The following FAM204A variants were observed in gnomAD, a reference collection of about 807,000 sequenced individuals.
FAM204A encodes protein FAM204A.
In FAM204A, 16 loss-of-function variants were observed where a neutral mutation model predicts 35.4. The observed-to-expected ratio is 0.45, with a 90% CI of 0.31 to 0.69. The LOEUF is 0.69. Among genes scored for constraint, FAM204A ranks in the 30% least tolerant of loss-of-function variants. FAM204A has a pLI of 0.07. For missense variants in FAM204A, 240 were observed against 265.7 expected, an observed-to-expected ratio of 0.90 and a Z score of 0.67; for synonymous variants, 76 against 86.9, an observed-to-expected ratio of 0.88 and a Z score of 0.70.
rs1845904170 is a variant in FAM204A, at chr10:118,308,813, G to T, written c.*2044C>A. Reference sequence around the variant, plus strand: ...GTCAGACCCTACAGGAGGCCACTCTGGCAAGGCTTCAGTATGGGAAGTGCA... The same window carrying T: ...GTCAGACCCTACAGGAGGCCACTCTTGCAAGGCTTCAGTATGGGAAGTGCA... On this transcript the variant is annotated 3_prime_UTR_variant, in exon 9 of 9. Coordinates refer to ENST00000369183, the MANE Select transcript of FAM204A (RefSeq NM_022063.3). The T allele has an allele frequency of 6.6e-6, 1 of 152,008 alleles. No individual in the cohort carries two copies. Among genetic ancestry groups the T allele is most frequent in the Non-Finnish European group, 1.5e-5 (1 of 68,054 alleles). The allele number at this position is 152,008 out of a possible 1,614,324, so 9.4% of individuals were successfully genotyped here.
At chr10:118,337,329 T>G in intron 2 of FAM204A, 1 of 626,332 alleles carries the variant, frequency 1.6e-6, no homozygotes, top group Non-Finnish European at 2.0e-6. Flanking sequence ...GTACTGCTCA[T>G]GATTTACTAT....
rs957107589 is a variant in FAM204A, at chr10:118,300,704, T to C, written c.*10153A>G. On this transcript the variant is annotated 3_prime_UTR_variant, in exon 9 of 9. Coordinates refer to ENST00000369183, the MANE Select transcript of FAM204A (RefSeq NM_022063.3). ...TAGGAGCTTAGCCCTGGGGAATTCT[T>C]TGGGCAGAATCCAGGGACATACTGA... The C allele has an allele frequency of 6.6e-6, 1 of 152,152 alleles. No individual in the cohort carries two copies. Among genetic ancestry groups the C allele is most frequent in the African/African-American group, 2.4e-5 (1 of 41,420 alleles). The allele number at this position is 152,152 out of a possible 1,614,324, so 9.4% of individuals were successfully genotyped here. A position where few individuals can be genotyped will look rare whatever the true frequency, so the allele number is the denominator to read the frequency against.
At chr10:118,315,384 A>G (rs1218574131) in intron 7 of FAM204A, among the ~76,000 whole-genome samples, 1 of 152,186 alleles carries the variant, frequency 6.6e-6, no homozygotes, top group African/African-American at 2.4e-5. Flanking sequence ...TCCGTTTCAG[A>G]GTAAATTTTA....
In FAM204A at chr10:118,304,292, A is replaced by C. The variant is rs1360645421; in HGVS notation, c.*6565T>G. Reference sequence around the variant, plus strand: ...TGGCATTCCACAGGTACCATGACACAACAAGTATAAATATGACCTACTTTA... The same window carrying C: ...TGGCATTCCACAGGTACCATGACACCACAAGTATAAATATGACCTACTTTA... On this transcript the variant is annotated 3_prime_UTR_variant, in exon 9 of 9. Coordinates refer to ENST00000369183, the MANE Select transcript of FAM204A (RefSeq NM_022063.3). 3 of 151,716 alleles carry C rather than the reference A, an allele frequency of 2.0e-5. No homozygotes were observed. Among genetic ancestry groups the C allele is most frequent in the Non-Finnish European group, 4.4e-5 (3 of 68,022 alleles). 9.4% of individuals were successfully genotyped at this position (151,716 alleles called of 1,614,324 possible).
chr10:118,341,415 G>A (rs1356965634), intron 2 of FAM204A, among the ~76,000 whole-genome samples: 2 of 152,058 alleles, frequency 1.3e-5, no homozygotes, highest in Non-Finnish European at 2.9e-5. Flanking sequence ...CTTAAAAATA[G>A]TTACTATTTT....
In FAM204A at chr10:118,299,878, G is replaced by T. The variant is rs141172477; in HGVS notation, c.*10979C>A. On this transcript the variant is annotated 3_prime_UTR_variant, in exon 9 of 9. Coordinates refer to ENST00000369183, the MANE Select transcript of FAM204A (RefSeq NM_022063.3). The stretch of plus-strand genomic sequence containing the variant: ...TTACTAACAATTTTTCCATTAGCAC[G>T]TCTTGAAAACCACAATTCTGCTATC... 6.6e-6 allele frequency: 1 copy of T among 152,152 alleles called. No individual in the cohort carries two copies. The highest frequency in any genetic ancestry group is 1.9e-4 in the East Asian group (1 of 5,194). 9.4% of individuals were successfully genotyped at this position (152,152 alleles called of 1,614,324 possible). A position where few individuals can be genotyped will look rare whatever the true frequency, so the allele number is the denominator to read the frequency against.
At chr10:118,334,221 G>T (rs1332295637) in intron 6 of FAM204A, among the ~76,000 whole-genome samples, 1 of 152,068 alleles carries the variant, frequency 6.6e-6, no homozygotes, top group Non-Finnish European at 1.5e-5. Flanking sequence ...ACTGAACTTT[G>T]GCTAGGTCCC....
chr10:118,336,138 GCA>G, intron 3 of FAM204A, 42 bp downstream of exon 3: 1 of 1,589,130 alleles, frequency 6.3e-7, no homozygotes. Context: ...AGAGGCATGT[GCA>G]CACACACAGG....
intron 7 of FAM204A, among the ~76,000 whole-genome samples, chr10:118,323,096 G>A (rs758860687): frequency 6.6e-6 from 1 of 152,048 alleles, no homozygotes; most frequent in African/African-American, 2.4e-5. Context: ...TCAGTCACTT[G>A]CTACTTGGAA....
chr10:118,305,021 A>AC lies in FAM204A; in HGVS notation c.*5835dup, dbSNP rs1262014987. The AC allele has an allele frequency of 1.3e-5, 2 of 152,190 alleles. No individual in the cohort carries two copies. The highest frequency in any genetic ancestry group is 1.5e-5 in the Non-Finnish European group (1 of 68,056). 9.4% of individuals were successfully genotyped at this position (152,190 alleles called of 1,614,324 possible). ...TGCAAAGTGAGAACTAATGTGTTCC[A>AC]CTTCCAGGCCAGGCCCGTAACTTCC... On this transcript the variant is annotated 3_prime_UTR_variant, in exon 9 of 9. Coordinates refer to ENST00000369183, the MANE Select transcript of FAM204A (RefSeq NM_022063.3).
chr10:118,341,602 G>T (rs1846483957), intron 2 of FAM204A, 125 bp downstream of exon 2: 1 of 152,190 alleles, frequency 6.6e-6, no homozygotes, highest in African/African-American at 2.4e-5. Flanking sequence ...TAATTAAAGA[G>T]AGTGTTCGTT....
rs1163638399 is a variant in FAM204A at position 118,310,518 on chromosome 10, G to A, written c.*339C>T. Reference sequence around the variant, plus strand: ...AAAAAAAAAAAAAGAAAGAAAGTACGAGAAGCTCACTGGCTGTGCTAAACC... The same window carrying A: ...AAAAAAAAAAAAAGAAAGAAAGTACAAGAAGCTCACTGGCTGTGCTAAACC... On this transcript the variant is annotated 3_prime_UTR_variant, in exon 9 of 9. Transcript: ENST00000369183. 2.0e-5 allele frequency: 4 copies of A among 197,940 alleles called. No individual in the cohort carries two copies. Among genetic ancestry groups the A allele is most frequent in the South Asian group, 2.3e-4 (2 of 8,808 alleles). 12.3% of individuals were successfully genotyped at this position (197,940 alleles called of 1,614,324 possible).
At chr10:118,337,913 G>A (rs1251513348) in intron 2 of FAM204A, among the ~76,000 whole-genome samples, 1 of 152,164 alleles carries the variant, frequency 6.6e-6, no homozygotes, top group African/African-American at 2.4e-5. Context: ...TCATAAGATA[G>A]TTTTGAAGTT....
Position 118,305,927 on chromosome 10 carries a change from T to C in FAM204A, c.*4930A>G, listed in dbSNP as rs536744984. On this transcript the variant is annotated 3_prime_UTR_variant, in exon 9 of 9. Coordinates refer to ENST00000369183, the MANE Select transcript of FAM204A (RefSeq NM_022063.3). Reference sequence around the variant, plus strand: ...CACTTTTTATTGTGGGCAGTCATAATTGTATGCTATCCATCAAACAATAAA... The same window carrying C: ...CACTTTTTATTGTGGGCAGTCATAACTGTATGCTATCCATCAAACAATAAA... 1.2e-4 allele frequency: 18 copies of C among 152,380 alleles called. No individual in the cohort carries two copies. The highest frequency in any genetic ancestry group is 8.3e-4 in the South Asian group (4 of 4,830). 9.4% of individuals were successfully genotyped at this position (152,380 alleles called of 1,614,324 possible).
chr10:118,322,773 A>G (rs1846138593), intron 7 of FAM204A, among the ~76,000 whole-genome samples: 1 of 152,112 alleles, frequency 6.6e-6, no homozygotes, highest in Admixed American at 6.6e-5. Flanking sequence ...CAACTTTTTG[A>G]AAGTCTGAAA....
chr10:118,313,380 G>A (rs182455739), intron 7 of FAM204A, among the ~76,000 whole-genome samples: 5 of 152,254 alleles, frequency 3.3e-5, no homozygotes, highest in African/African-American at 7.2e-5. Context: ...ATGGCTCTTC[G>A]ATGCTTTAGT....
At chr10:118,317,798 T>C (rs2133271476) in intron 7 of FAM204A, among the ~76,000 whole-genome samples, 2 of 152,184 alleles carry the variant, frequency 1.3e-5, no homozygotes, top group South Asian at 4.1e-4. Context: ...GAACAAGGCT[T>C]CAAAGAATTA....
At chr10:118,318,498 A>C (rs1025897732) in intron 7 of FAM204A, among the ~76,000 whole-genome samples, 3 of 152,040 alleles carry the variant, frequency 2.0e-5, no homozygotes, top group African/African-American at 7.2e-5. Context: ...ATGTTTACCC[A>C]ATCTTCAGTG....
Position 118,300,565 on chromosome 10 carries a change from A to G in FAM204A, c.*10292T>C, listed in dbSNP as rs1324590250. The G allele has an allele frequency of 6.6e-6, 1 of 152,202 alleles. No homozygotes were observed. Among genetic ancestry groups the G allele is most frequent in the Non-Finnish European group, 1.5e-5 (1 of 68,044 alleles). 9.4% of individuals were successfully genotyped at this position (152,202 alleles called of 1,614,324 possible). A position where few individuals can be genotyped will look rare whatever the true frequency, so the allele number is the denominator to read the frequency against. On this transcript the variant is annotated 3_prime_UTR_variant, in exon 9 of 9. Coordinates refer to ENST00000369183, the MANE Select transcript of FAM204A (RefSeq NM_022063.3). ...TGCTAGGACTATTATGCACATTAATAAAATCATCAAAAACCACATAAACTT... is the reference window on the plus strand; with the variant it reads ...TGCTAGGACTATTATGCACATTAATGAAATCATCAAAAACCACATAAACTT...
Sources: gnomAD v4.1 joint callset for allele counts (sites outside exome capture counted in the v4.1 genomes callset) on GRCh38, gnomAD v4.1.1 for gene constraint, MANE v1.5 for transcripts, NCBI Gene and HGNC (gene_info 2026-07-23, HGNC 2026-07-21) for gene names.